Variants in PDE4D observed in about 807,000 individuals in gnomAD.
PDE4D encodes 3',5'-cyclic-AMP phosphodiesterase 4D.
A neutral mutation model predicts 87.4 loss-of-function variants in PDE4D; 24 were observed. That is an observed-to-expected ratio of 0.27 (90% confidence interval 0.20 to 0.39). The LOEUF (loss-of-function observed/expected upper bound fraction) is 0.39. Ranked by LOEUF, PDE4D falls within the 10% of genes least tolerant of loss-of-function variation. The pLI, the probability that PDE4D is intolerant of heterozygous loss-of-function variation, is 1.00. For synonymous variants in PDE4D, 384 were observed against 383.2 expected (o/e 1.00, Z -0.02); for missense variants, 714 against 1,041.0 (o/e 0.69, Z 4.32).
At chr5:60,337,380 T>TACACACAC (rs1474890248) in intron 1 of PDE4D, among the ~76,000 whole-genome samples, 1 of 118,240 alleles carries the variant, frequency 8.5e-6, no homozygotes, top group South Asian at 3.0e-4. Context: ...TATATATATA[T>TACACACAC]ATATATATAC....
chr5:60,408,439 G>A (rs974218317), intron 1 of PDE4D, among the ~76,000 whole-genome samples: 1 of 152,158 alleles, frequency 6.6e-6, no homozygotes, highest in Non-Finnish European at 1.5e-5. Flanking sequence ...ATTGCCAACT[G>A]AGGCTCTGAG....
chr5:59,547,850 A>G (rs1817532965), intron 1 of PDE4D, among the ~76,000 whole-genome samples: 1 of 152,190 alleles, frequency 6.6e-6, no homozygotes, highest in Non-Finnish European at 1.5e-5. Context: ...AGGCCTGGTC[A>G]GTCAGTCACA....
chr5:59,152,501 C>T (rs1438019946), intron 5 of PDE4D, among the ~76,000 whole-genome samples: 1 of 152,046 alleles, frequency 6.6e-6, no homozygotes, highest in Non-Finnish European at 1.5e-5. Flanking sequence ...TTAAACCAGC[C>T]TGTAATAGTT....
At chr5:59,638,273 T>C (rs536197567) in intron 1 of PDE4D, among the ~76,000 whole-genome samples, 3 of 152,274 alleles carry the variant, frequency 2.0e-5, no homozygotes, top group African/African-American at 7.2e-5. Context: ...TGAGATCGAA[T>C]TTCATAAAAG....
intron 1 of PDE4D, among the ~76,000 whole-genome samples, chr5:59,577,812 C>G (rs1256424868): frequency 6.6e-6 from 1 of 152,016 alleles, no homozygotes; most frequent in Non-Finnish European, 1.5e-5. Context: ...TTCTCATGAC[C>G]TAGAAAATTA....
At chr5:60,440,287 A>G (rs1327524087) in intron 1 of PDE4D, among the ~76,000 whole-genome samples, 3 of 152,272 alleles carry the variant, frequency 2.0e-5, no homozygotes, top group Non-Finnish European at 4.4e-5. Flanking sequence ...TATTCATTCA[A>G]CAAATACCTA....
At chr5:60,036,137 T>C (rs1017978310) in intron 2 of PDE4D, among the ~76,000 whole-genome samples, 1 of 152,228 alleles carries the variant, frequency 6.6e-6, no homozygotes, top group Non-Finnish European at 1.5e-5. Context: ...CACAAATGAA[T>C]GTATTCATGT....
intron 1 of PDE4D, among the ~76,000 whole-genome samples, chr5:60,432,436 G>A (rs1206005002): frequency 6.6e-6 from 1 of 152,128 alleles, no homozygotes; most frequent in Non-Finnish European, 1.5e-5. Flanking sequence ...TTTGGAACTT[G>A]CTATTGGTCT....
rs374082169 is a variant in PDE4D at position 58,997,138 on chromosome 5, T to G, written c.922-3673A>C. On this transcript the variant is annotated intron_variant, in intron 6 of 14. Coordinates refer to ENST00000340635, the MANE Select transcript of PDE4D (RefSeq NM_001104631.2). ...CTAAAGATAATTCTGAAGCGTACATTAAGTTATAACACAAGGGTATTTTCT... is the reference window on the plus strand; with the variant it reads ...CTAAAGATAATTCTGAAGCGTACATGAAGTTATAACACAAGGGTATTTTCT... 4.7e-4 allele frequency among the ~76,000 whole-genome samples: 71 copies of G among 152,308 alleles called. No individual in the cohort carries two copies. In the South Asian group the frequency reaches 0.014, roughly 29 times the overall value.
intron 11 of PDE4D, among the ~76,000 whole-genome samples, chr5:58,986,312 G>C (rs1334932324): frequency 5.9e-5 from 9 of 152,168 alleles, no homozygotes; most frequent in Non-Finnish European, 1.3e-4. Flanking sequence ...TCTGTAGACT[G>C]AGGCCTTGTT....
intron 6 of PDE4D, among the ~76,000 whole-genome samples, chr5:59,017,917 G>A (rs1048419963): frequency 2.6e-5 from 4 of 152,198 alleles, no homozygotes; most frequent in African/African-American, 4.8e-5. Flanking sequence ...TGAGAATTAT[G>A]AGATGTAAAA....
chr5:59,680,850 GAGA>G (rs950258597), intron 1 of PDE4D, among the ~76,000 whole-genome samples: 6 of 152,108 alleles, frequency 3.9e-5, no homozygotes, highest in Non-Finnish European at 5.9e-5. Context: ...TACGAAAATG[GAGA>G]AGAACAGAAT....
chr5:59,606,175 C>T (rs1561310008), intron 1 of PDE4D, among the ~76,000 whole-genome samples: 1 of 151,900 alleles, frequency 6.6e-6, no homozygotes, highest in African/African-American at 2.4e-5. Flanking sequence ...CAGATCAACT[C>T]GTATAAATTC....
chr5:59,908,773 C>T (rs903350601), intron 3 of PDE4D, among the ~76,000 whole-genome samples: 50 of 152,084 alleles, frequency 3.3e-4, no homozygotes, highest in Admixed American at 7.2e-4. Flanking sequence ...AATTCTACAT[C>T]TACTTTCAAA....
intron 2 of PDE4D, among the ~76,000 whole-genome samples, chr5:60,074,694 G>A (rs1773088024): frequency 6.6e-6 from 1 of 152,078 alleles, no homozygotes; most frequent in South Asian, 2.1e-4. Context: ...CTCCTCTGTT[G>A]GGTATGTACC....
intron 2 of PDE4D, among the ~76,000 whole-genome samples, chr5:60,101,875 T>C (rs527405287): frequency 6.6e-6 from 1 of 152,188 alleles, no homozygotes; most frequent in Non-Finnish European, 1.5e-5. Context: ...TATTTTTAAT[T>C]TACTGTGGAT....
intron 2 of PDE4D, among the ~76,000 whole-genome samples, chr5:60,086,417 A>G (rs779205875): frequency 2.6e-5 from 4 of 152,214 alleles, no homozygotes; most frequent in Non-Finnish European, 5.9e-5. Flanking sequence ...ATATTTAAGC[A>G]TCAGTATTCT....
At chr5:60,366,064 C>A (rs1760517107) in intron 1 of PDE4D, among the ~76,000 whole-genome samples, 1 of 148,636 alleles carries the variant, frequency 6.7e-6, no homozygotes, top group Non-Finnish European at 1.5e-5. Context: ...AAAAAAAAAT[C>A]TGGCCATTTC....
chr5:59,982,662 A>C (rs1349536336), intron 3 of PDE4D, among the ~76,000 whole-genome samples: 1 of 152,176 alleles, frequency 6.6e-6, no homozygotes, highest in African/African-American at 2.4e-5. Flanking sequence ...ACTGAACAGC[A>C]CTTGAAAGCA....
Sources: allele counts gnomAD v4.1 joint callset (sites outside exome capture counted in the v4.1 genomes callset), GRCh38; gene constraint gnomAD v4.1.1; transcripts MANE v1.5; gene names NCBI Gene and HGNC (gene_info 2026-07-23, HGNC 2026-07-21).